Variants in HTT observed in about 807,000 individuals in gnomAD.
The protein encoded by HTT is huntingtin, also known as huntington disease protein.
HTT carries 104 observed loss-of-function variants against 362.3 expected under a neutral mutation model. The ratio of observed to expected loss-of-function variants is 0.29; its 90% CI spans 0.24 to 0.34. HTT has a LOEUF of 0.34. HTT is among the 10% of genes least tolerant of loss of function. The pLI is 1.00. For synonymous variants in HTT, 1,577 were observed against 1,548.7 expected (o/e 1.02, Z -0.43); for missense variants, 3,301 against 3,928.6 (o/e 0.84, Z 4.27).
intron 45 of HTT, 96 bp downstream of exon 45, chr4:3,207,453 G>A (rs1560593710): frequency 1.7e-5 from 18 of 1,043,960 alleles, no homozygotes; most frequent in Admixed American, 2.0e-5. Context: ...ACAAGAAATC[G>A]ATGTGCCTTA....
At position 3,228,835 on chromosome 4, in the gene HTT, C is replaced by G. The variant is rs1373614994; in HGVS notation, c.7980-45C>G. 2.5e-6 allele frequency: 4 copies of G among 1,588,274 alleles called. No homozygotes were observed. The highest frequency in any genetic ancestry group is 3.4e-6 in the Non-Finnish European group (4 of 1,159,956). On this transcript the variant is annotated intron_variant, in intron 58 of 66. Coordinates refer to ENST00000355072, the MANE Select transcript of HTT (RefSeq NM_001388492.1). The surrounding 1 kb of genome is among the most constrained non-coding windows in gnomAD (Gnocchi z 4.3). ...TTGAGGTGCTTCTTGAAATGAGCCT[C>G]TCATCTCATGTACTTGGAAAATACC...
At chr4:3,219,905 C>T (rs1318952698) in intron 52 of HTT, among the ~76,000 whole-genome samples, 1 of 152,202 alleles carries the variant, frequency 6.6e-6, no homozygotes, top group Non-Finnish European at 1.5e-5. Context: ...TAACTCCTGC[C>T]TGCTTCTCCC....
chr4:3,230,979 G>T (rs962637738), intron 60 of HTT, among the ~76,000 whole-genome samples: 1 of 152,214 alleles, frequency 6.6e-6, no homozygotes, highest in Non-Finnish European at 1.5e-5. Context: ...TTCAGCCAGT[G>T]CAGCATGGTA....
chr4:3,174,842 T>C (rs1454645546), intron 32 of HTT, 43 bp downstream of exon 32: 5 of 1,590,672 alleles, frequency 3.1e-6, no homozygotes, highest in African/African-American at 1.3e-5. Context: ...GGCGTGTCAG[T>C]GCTAGAGAGG....
At position 3,140,622 on chromosome 4, in the gene HTT, C is replaced by G; in HGVS notation, c.2911C>G (p.Pro971Ala). 1 of 1,613,938 alleles carries G rather than the reference C, an allele frequency of 6.2e-7. No individual in the cohort carries two copies. The highest frequency in any genetic ancestry group is 1.1e-5 in the South Asian group (1 of 91,078). ...YLKLLMHETQ[P>A]PSHFSVSTIT... ...GAAACTTCTCATGCATGAGACGCAG[C>G]CTCCATCTCATTTCTCCGTCAGCAC... The change falls in exon 22 of 67, where the codon CCT (proline) becomes GCT (alanine). Residue 971 changes from proline (P) to alanine (A), a missense_variant. Physicochemically the swap from Pro to Ala is conservative, Grantham distance 27. Coordinates refer to ENST00000355072, the MANE Select transcript of HTT (RefSeq NM_001388492.1).
intron 6 of HTT, among the ~76,000 whole-genome samples, chr4:3,110,636 G>A (rs1419295544): frequency 6.6e-6 from 1 of 152,172 alleles, no homozygotes; most frequent in African/African-American, 2.4e-5. Context: ...ACTTGGCTGG[G>A]TATGGTGTTC....
At chr4:3,106,194 A>G (rs1406062100) in intron 5 of HTT, among the ~76,000 whole-genome samples, 1 of 152,140 alleles carries the variant, frequency 6.6e-6, no homozygotes, top group Non-Finnish European at 1.5e-5. Flanking sequence ...CGCCTCTACA[A>G]AAAATACAAA....
At chr4:3,161,110 T>C (rs1717418688) in intron 29 of HTT, among the ~76,000 whole-genome samples, 1 of 152,082 alleles carries the variant, frequency 6.6e-6, no homozygotes, top group South Asian at 2.1e-4. Context: ...TGTGATGTTC[T>C]CCTCCCTGTG....
chr4:3,212,258 C>T (rs1238211260), intron 48 of HTT, 116 bp downstream of exon 48: 6 of 846,374 alleles, frequency 7.1e-6, no homozygotes, highest in South Asian at 1.8e-5. Context: ...AAAGCGTTTA[C>T]AGAGGTAGCT....
chr4:3,080,483 T>G (rs1364544336), intron 1 of HTT, among the ~76,000 whole-genome samples: 3 of 152,212 alleles, frequency 2.0e-5, no homozygotes, highest in Non-Finnish European at 2.9e-5. Context: ...GTAATAGTTC[T>G]TTATATATTC....
At chr4:3,223,593 TAGC>T in intron 55 of HTT, 33 bp downstream of exon 55, 1 of 1,569,506 alleles carries the variant, frequency 6.4e-7, no homozygotes, top group East Asian at 2.3e-5. Context: ...CTCTGGGACA[TAGC>T]AGGTGCTGGG....
intron 14 of HTT, 106 bp from the exon 15 acceptor site, chr4:3,131,180 C>A: frequency 1.2e-6 from 1 of 834,340 alleles, no homozygotes; most frequent in Non-Finnish European, 2.0e-6. Context: ...TCTCTTTATC[C>A]CCAGCACCTG....
chr4:3,201,299 C>T (rs1305236757), intron 41 of HTT, among the ~76,000 whole-genome samples: 5 of 152,070 alleles, frequency 3.3e-5, no homozygotes, highest in Non-Finnish European at 5.9e-5. Context: ...GAAGCCAAGG[C>T]GGGCAGATCA....
chr4:3,227,047 T>G (rs1720955051), intron 57 of HTT, among the ~76,000 whole-genome samples: 1 of 152,238 alleles, frequency 6.6e-6, no homozygotes, highest in African/African-American at 2.4e-5. Context: ...TGGGGCTCAC[T>G]GGGTGCCTCT....
At chr4:3,130,247 T>C in intron 13 of HTT, 58 bp from the exon 14 acceptor site, 1 of 1,138,932 alleles carries the variant, frequency 8.8e-7, no homozygotes, top group East Asian at 2.4e-5. Context: ...AGCATAAATG[T>C]ATAATTGTAT....
At chr4:3,190,812 C>T (rs938401535) in intron 40 of HTT, among the ~76,000 whole-genome samples, 4 of 152,188 alleles carry the variant, frequency 2.6e-5, no homozygotes, top group African/African-American at 9.6e-5. Context: ...GAAGAACGAT[C>T]GTTTGTAATG....
chr4:3,196,140 A>G (rs1412881488), intron 40 of HTT, among the ~76,000 whole-genome samples: 2 of 152,176 alleles, frequency 1.3e-5, no homozygotes, highest in East Asian at 3.9e-4. Flanking sequence ...AGCGAGTGCC[A>G]TGCCTTCTAA....
chr4:3,225,562 G>T, intron 56 of HTT, 99 bp from the exon 57 acceptor site: 1 of 1,055,066 alleles, frequency 9.5e-7, no homozygotes, highest in Non-Finnish European at 1.4e-6. Flanking sequence ...GGTGGCTCAC[G>T]GCTGGGTGCC....
chr4:3,137,186 G>A (rs186780239), intron 21 of HTT, among the ~76,000 whole-genome samples: 240 of 152,164 alleles, frequency 1.6e-3, no homozygotes, highest in African/African-American at 5.4e-3. Flanking sequence ...GATTACAGGC[G>A]TGAGCCATGG....
Sources: gnomAD v4.1 joint callset for allele counts (sites outside exome capture counted in the v4.1 genomes callset) on GRCh38, gnomAD v4.1.1 for gene constraint, Gnocchi (gnomAD v3.1) non-coding constraint, MANE v1.5 for transcripts, NCBI Gene and HGNC (gene_info 2026-07-23, HGNC 2026-07-21) for gene names.